Variants in DTNB observed in about 807,000 individuals in gnomAD.
DTNB encodes DTN-B.
In DTNB, 63 loss-of-function variants were observed where a neutral mutation model predicts 90.7. That is an observed-to-expected ratio of 0.69 (90% CI 0.57 to 0.86). The LOEUF is 0.86. DTNB is among the 40% of genes least tolerant of loss of function. The pLI, the probability that DTNB is intolerant of heterozygous loss-of-function variation, is 0.00. For synonymous variants in DTNB, 277 were observed against 286.7 expected (o/e 0.97, Z 0.34); for missense variants, 744 against 807.1 (o/e 0.92, Z 0.95).
At chr2:25,395,290 A>G (rs753101729) in intron 16 of DTNB, among the ~76,000 whole-genome samples, 1 of 152,128 alleles carries the variant, frequency 6.6e-6, no homozygotes, top group African/African-American at 2.4e-5. Context: ...CACTGCTTGG[A>G]TGATGGGTAC....
At chr2:25,570,980 T>G (rs2059780980) in intron 8 of DTNB, among the ~76,000 whole-genome samples, 1 of 152,194 alleles carries the variant, frequency 6.6e-6, no homozygotes, top group African/African-American at 2.4e-5. Context: ...AATAAGCAAC[T>G]TAAGTTCAAC....
chr2:25,609,483 A>G lies in DTNB; in HGVS notation c.363-2162T>C, dbSNP rs144455097. ...TGTGGTGGCGCATGCCTGTAATCCCAGCTACTCAGAAGGCTGAGGCAGGAA... is the reference window on the plus strand; with the variant it reads ...TGTGGTGGCGCATGCCTGTAATCCCGGCTACTCAGAAGGCTGAGGCAGGAA... On this transcript the variant is annotated intron_variant, in intron 4 of 20. Transcript: ENST00000406818. Among the ~76,000 whole-genome samples the G allele has an allele frequency of 3.1e-3, 472 of 152,024 alleles. 2 individuals carry two copies. Among genetic ancestry groups the G allele is most frequent in the African/African-American group, 0.011 (448 of 41,460 alleles).
rs994823037 is a variant in DTNB, at chr2:25,673,481, G to A, written c.-97C>T. The A allele has an allele frequency of 7.9e-5, 12 of 150,980 alleles. No individual in the cohort carries two copies. The highest frequency in any genetic ancestry group is 2.9e-4 in the African/African-American group (12 of 41,318). 9.4% of individuals were successfully genotyped at this position (150,980 alleles called of 1,614,324 possible). A position where few individuals can be genotyped will look rare whatever the true frequency, so the allele number is the denominator to read the frequency against. On this transcript the variant is annotated 5_prime_UTR_variant, in exon 1 of 21. Coordinates refer to ENST00000406818, the MANE Select transcript of DTNB (RefSeq NM_021907.5). Reference sequence around the variant, plus strand: ...CGGCCCAGCCCCCTCGGCTGAGGCAGCGGCAGCGCCTACTCAGGCCCCGGA... The same window carrying A: ...CGGCCCAGCCCCCTCGGCTGAGGCAACGGCAGCGCCTACTCAGGCCCCGGA...
intron 8 of DTNB, among the ~76,000 whole-genome samples, chr2:25,562,569 T>C (rs922160383): frequency 7.2e-5 from 11 of 152,242 alleles, no homozygotes; most frequent in African/African-American, 2.7e-4. Context: ...GTTCTGATTT[T>C]TCTACATCCT....
chr2:25,476,381 T>G (rs2063757377), intron 10 of DTNB, among the ~76,000 whole-genome samples: 1 of 152,210 alleles, frequency 6.6e-6, no homozygotes, highest in African/African-American at 2.4e-5. Context: ...ATTTTGACTT[T>G]CAAGTCTTAT....
chr2:25,625,769 A>G (rs892065572), intron 4 of DTNB, among the ~76,000 whole-genome samples: 14 of 151,600 alleles, frequency 9.2e-5, no homozygotes, highest in African/African-American at 3.2e-4. Context: ...TCCCTTCTTT[A>G]GCCATATGCT....
chr2:25,524,479 T>C (rs375364328), intron 9 of DTNB, among the ~76,000 whole-genome samples: 1 of 146,518 alleles, frequency 6.8e-6, no homozygotes, highest in Non-Finnish European at 1.5e-5. Context: ...GACTGATAAA[T>C]AGTTAAACTA....
At chr2:25,483,219 G>C (rs1002683871) in intron 9 of DTNB, among the ~76,000 whole-genome samples, 5 of 152,206 alleles carry the variant, frequency 3.3e-5, no homozygotes, top group African/African-American at 1.2e-4. Context: ...GGTGGCTTTT[G>C]CTTTGTAGTT....
chr2:25,526,278 A>G (rs2077062004), intron 9 of DTNB, among the ~76,000 whole-genome samples: 1 of 150,692 alleles, frequency 6.6e-6, no homozygotes, highest in Admixed American at 6.6e-5. Flanking sequence ...GTGGAGGCAG[A>G]GGTCTAAAAG....
chr2:25,634,460 T>C (rs1287364680), intron 3 of DTNB, among the ~76,000 whole-genome samples: 10 of 124,246 alleles, frequency 8.0e-5, no homozygotes, highest in South Asian at 2.8e-4. Context: ...GCCCGGCCAG[T>C]CGCCCCGTCG....
At chr2:25,464,833 A>G (rs996403249) in intron 10 of DTNB, among the ~76,000 whole-genome samples, 3 of 152,204 alleles carry the variant, frequency 2.0e-5, no homozygotes, top group Non-Finnish European at 4.4e-5. Flanking sequence ...ATTCTGCAAA[A>G]TATCTGACCA....
chr2:25,411,423 T>A (rs1014774380), intron 16 of DTNB, among the ~76,000 whole-genome samples: 8 of 151,962 alleles, frequency 5.3e-5, no homozygotes, highest in African/African-American at 1.9e-4. Context: ...TTCCTCTTTT[T>A]GGAAAAAAAA....
intron 15 of DTNB, among the ~76,000 whole-genome samples, chr2:25,420,514 C>G (rs2049280159): frequency 1.2e-5 from 1 of 84,822 alleles, no homozygotes; most frequent in Non-Finnish European, 3.6e-5. Context: ...ATCTATCTAT[C>G]TATCTATCTG....
At chr2:25,640,210 T>C (rs1034570921) in intron 2 of DTNB, among the ~76,000 whole-genome samples, 8 of 152,204 alleles carry the variant, frequency 5.3e-5, no homozygotes, top group Non-Finnish European at 1.2e-4. Context: ...TGAAGTCTCC[T>C]TGAATTTTAA....
At chr2:25,460,511 G>A (rs1038923218) in intron 10 of DTNB, among the ~76,000 whole-genome samples, 1 of 152,044 alleles carries the variant, frequency 6.6e-6, no homozygotes, top group African/African-American at 2.4e-5. Flanking sequence ...ACTACCATTC[G>A]GATTTCAAAG....
At chr2:25,569,833 C>T (rs968102512) in intron 8 of DTNB, among the ~76,000 whole-genome samples, 9 of 152,008 alleles carry the variant, frequency 5.9e-5, no homozygotes, top group Admixed American at 2.0e-4. Context: ...CGTGGTGGCT[C>T]AGACTGTAAT....
In DTNB at chr2:25,661,716, A is replaced by G. The variant is rs775824304; in HGVS notation, c.-1-9055T>C. ...TCTGCAACACAAAATTTACAAAAAT[A>G]TAATTTACCCATCACACACATCAAA... On this transcript the variant is annotated intron_variant, in intron 1 of 20. Transcript: ENST00000406818. Among the ~76,000 whole-genome samples the G allele has an allele frequency of 5.5e-4, 84 of 152,366 alleles. No homozygotes were observed. The Middle Eastern group carries it at 0.017, about 31-fold the overall frequency.
At chr2:25,445,596 G>T (rs192365576) in intron 12 of DTNB, among the ~76,000 whole-genome samples, 1 of 152,164 alleles carries the variant, frequency 6.6e-6, no homozygotes, top group Non-Finnish European at 1.5e-5. Context: ...GCATGAGCCC[G>T]CCTGTCTGAC....
At chr2:25,435,494 T>C (rs1010761858) in intron 12 of DTNB, among the ~76,000 whole-genome samples, 2 of 152,276 alleles carry the variant, frequency 1.3e-5, no homozygotes, top group East Asian at 1.9e-4. Flanking sequence ...CCATACAATA[T>C]TGACCTTTTA....
Sources: allele counts gnomAD v4.1 joint callset (sites outside exome capture counted in the v4.1 genomes callset), GRCh38; gene constraint gnomAD v4.1.1; transcripts MANE v1.5; gene names NCBI Gene and HGNC (gene_info 2026-07-23, HGNC 2026-07-21).